DPP6: variants seen among roughly 807,000 people sequenced by gnomAD.
DPP6 encodes A-type potassium channel modulatory protein DPP6.
A neutral mutation model predicts 122.6 loss-of-function variants in DPP6; 69 were observed. The observed-to-expected ratio is 0.56, with a 90% CI of 0.46 to 0.69. DPP6 has a LOEUF of 0.69. Ranked by LOEUF, DPP6 falls within the 30% of genes least tolerant of loss-of-function variation. The pLI is 0.00. For missense variants in DPP6, 928 were observed against 1,116.9 expected (o/e 0.83, Z 2.41); for synonymous variants, 418 against 433.1 (o/e 0.97, Z 0.43).
At chr7:153,787,418 T>A in the DPP6 span, among the ~76,000 whole-genome samples, 1 of 145,342 alleles carries the variant, frequency 6.9e-6, no homozygotes, top group Non-Finnish European at 1.5e-5. Context: ...GCAATGTGGT[T>A]AAGAAAAGCA....
chr7:154,444,570 T>C (rs1411345755), intron 1 of DPP6, among the ~76,000 whole-genome samples: 2 of 152,262 alleles, frequency 1.3e-5, no homozygotes, highest in African/African-American at 4.8e-5. Context: ...GTCTTGATGT[T>C]CTGTTTTTAA....
chr7:154,295,044 G>A (rs1190998468), intron 1 of DPP6, among the ~76,000 whole-genome samples: 1 of 152,244 alleles, frequency 6.6e-6, no homozygotes, highest in Non-Finnish European at 1.5e-5. Context: ...TGCCTGTGCC[G>A]GCGCTCCCTT....
rs1411605263 is a variant in DPP6, at chr7:154,760,188, C to T, written c.884-9229C>T. On this transcript the variant is annotated intron_variant, in intron 8 of 25. Transcript: ENST00000377770. This position sits in a 1 kb window ranked among gnomAD's most constrained non-coding sequence, Gnocchi z 4.5. ...GCTCAACTCTGCCTCCCTGTGCTGGCTTCAAGGCAGTAATTTTATTTTTAA... is the reference window on the plus strand; with the variant it reads ...GCTCAACTCTGCCTCCCTGTGCTGGTTTCAAGGCAGTAATTTTATTTTTAA... Among the ~76,000 whole-genome samples the T allele has an allele frequency of 6.6e-6, 1 of 152,186 alleles. No homozygotes were observed. The highest frequency in any genetic ancestry group is 1.5e-5 in the Non-Finnish European group (1 of 68,038).
rs1378589131 is a variant in DPP6 at position 154,403,393 on chromosome 7, G to A, written c.244-42821G>A. 1.3e-5 allele frequency among the ~76,000 whole-genome samples: 2 copies of A among 152,190 alleles called. No individual in the cohort carries two copies. Among genetic ancestry groups the A allele is most frequent in the African/African-American group, 4.8e-5 (2 of 41,460 alleles). ...GGGACATGGTGAGGACTGGAGTTGCGGTAGATGCCTCCTGGGTGTTGAAGA... is the reference window on the plus strand; with the variant it reads ...GGGACATGGTGAGGACTGGAGTTGCAGTAGATGCCTCCTGGGTGTTGAAGA... On this transcript the variant is annotated intron_variant, in intron 1 of 25. Coordinates refer to ENST00000377770, the MANE Select transcript of DPP6 (RefSeq NM_130797.4). This position sits in a 1 kb window ranked among gnomAD's most constrained non-coding sequence, Gnocchi z 4.1.
rs1242629766 is a variant in DPP6, at chr7:154,877,688, G to A, written c.2078+1588G>A. On this transcript the variant is annotated intron_variant, in intron 20 of 25. Transcript: ENST00000377770. This position sits in a 1 kb window ranked among gnomAD's most constrained non-coding sequence, Gnocchi z 5.2. The stretch of plus-strand genomic sequence containing the variant: ...CTTTTAGAAACTTCCAGAAAGGAAA[G>A]GAAAGTCTCCCCACAAGCAGACAGC... Among the ~76,000 whole-genome samples, 2 of 152,146 alleles carry A rather than the reference G, an allele frequency of 1.3e-5. No individual in the cohort carries two copies. The highest frequency in any genetic ancestry group is 4.8e-5 in the African/African-American group (2 of 41,432).
chr7:154,214,612 C>T (rs1313517421), intron 1 of DPP6, among the ~76,000 whole-genome samples: 1 of 152,164 alleles, frequency 6.6e-6, no homozygotes, highest in Non-Finnish European at 1.5e-5. Context: ...TATCAGTAAA[C>T]TAGGGATAAA....
chr7:154,640,750 A>G (rs1409027059), intron 6 of DPP6, among the ~76,000 whole-genome samples: 2 of 152,104 alleles, frequency 1.3e-5, no homozygotes, highest in Non-Finnish European at 2.9e-5. Context: ...GGAAAGCACA[A>G]TTGTCTTTTA....
At chr7:154,489,093 A>C (rs73726901) in intron 3 of DPP6, among the ~76,000 whole-genome samples, 2 of 152,128 alleles carry the variant, frequency 1.3e-5, no homozygotes, top group African/African-American at 4.8e-5. Flanking sequence ...ATTCTTGCTT[A>C]AGAGAACCTT....
chr7:154,009,913 C>T (rs938873350), intron 1 of DPP6, among the ~76,000 whole-genome samples: 1 of 152,012 alleles, frequency 6.6e-6, no homozygotes, highest in Non-Finnish European at 1.5e-5. Context: ...GGCATTTCAT[C>T]CAACTTATGT....
chr7:154,685,185 G>T (rs2131187165), intron 7 of DPP6, among the ~76,000 whole-genome samples: 1 of 152,272 alleles, frequency 6.6e-6, no homozygotes, highest in South Asian at 2.1e-4. Context: ...TTCCCCTCCT[G>T]TCTCATAAAG....
At chr7:154,278,938 TTTG>T (rs765468606) in intron 1 of DPP6, among the ~76,000 whole-genome samples, 2 of 151,724 alleles carry the variant, frequency 1.3e-5, no homozygotes, top group African/African-American at 2.4e-5. Context: ...TGTATGTGTG[TTTG>T]TTGTGTGGTA....
At chr7:154,079,063 C>T (rs1435479739) in intron 1 of DPP6, among the ~76,000 whole-genome samples, 1 of 151,316 alleles carries the variant, frequency 6.6e-6, no homozygotes, top group African/African-American at 2.5e-5. Context: ...TGGAGACCAT[C>T]CTGGCCAACA....
At chr7:153,986,974 A>C (rs922393163) in intron 1 of DPP6, among the ~76,000 whole-genome samples, 6 of 152,110 alleles carry the variant, frequency 3.9e-5, no homozygotes, top group Admixed American at 1.3e-4. Context: ...TTATAAAATA[A>C]ATTTATAGTA....
At chr7:153,843,943 G>T in the DPP6 span, among the ~76,000 whole-genome samples, 1 of 152,136 alleles carries the variant, frequency 6.6e-6, no homozygotes, top group African/African-American at 2.4e-5. Context: ...GCGGCAAGAT[G>T]AGGGCGTTTA....
At chr7:154,294,298 T>G (rs901623107) in intron 1 of DPP6, among the ~76,000 whole-genome samples, 3 of 151,752 alleles carry the variant, frequency 2.0e-5, no homozygotes, top group Non-Finnish European at 2.9e-5. Flanking sequence ...GTGGAAGGAG[T>G]TGGGAGTGGG....
intron 7 of DPP6, among the ~76,000 whole-genome samples, chr7:154,683,928 G>A (rs1353086122): frequency 6.6e-5 from 10 of 152,090 alleles, no homozygotes. Flanking sequence ...GAATACAGTG[G>A]TGTGAGCATG....
At chr7:153,846,143 T>C in the DPP6 span, among the ~76,000 whole-genome samples, 1 of 152,336 alleles carries the variant, frequency 6.6e-6, no homozygotes, top group Admixed American at 6.5e-5. Context: ...CACATCTTCG[T>C]CAACATTTGG....
chr7:154,120,724 T>G (rs1337960922), intron 1 of DPP6, among the ~76,000 whole-genome samples: 2 of 152,242 alleles, frequency 1.3e-5, no homozygotes, highest in Non-Finnish European at 2.9e-5. Flanking sequence ...TTAGAAACAG[T>G]ACACATGAGG....
intron 2 of DPP6, among the ~76,000 whole-genome samples, chr7:154,456,568 C>G (rs1395156118): frequency 1.0e-5 from 1 of 97,760 alleles, no homozygotes; most frequent in African/African-American, 3.2e-5. Flanking sequence ...AAATGCGCCC[C>G]CCCCACCAAA....
Sources: gnomAD v4.1 joint callset for allele counts (sites outside exome capture counted in the v4.1 genomes callset) on GRCh38, gnomAD v4.1.1 for gene constraint, Gnocchi (gnomAD v3.1) non-coding constraint, MANE v1.5 for transcripts, NCBI Gene and HGNC (gene_info 2026-07-23, HGNC 2026-07-21) for gene names.